Variants in DNAH5 observed in about 807,000 individuals in gnomAD.
DNAH5 encodes axonemal beta dynein heavy chain 5.
In DNAH5, 372 loss-of-function variants were observed where a neutral mutation model predicts 518.2. The observed-to-expected ratio is 0.72, with a 90% CI of 0.66 to 0.78. DNAH5 has a LOEUF of 0.78. Ranked by LOEUF, DNAH5 falls within the 30% of genes least tolerant of loss-of-function variation. The pLI, the probability that DNAH5 is intolerant of heterozygous loss-of-function variation, is 0.00. For synonymous variants in DNAH5, 2,039 were observed against 2,025.9 expected (o/e 1.01, Z -0.17); for missense variants, 5,523 against 5,687.0 (o/e 0.97, Z 0.93).
intron 42 of DNAH5, 27 bp from the exon 43 acceptor site, chr5:13,814,873 A>C: frequency 6.2e-7 from 1 of 1,611,134 alleles, no homozygotes; most frequent in Non-Finnish European, 8.5e-7. Context: ...AAGGGAAAAA[A>C]AAAATACATA....
rs746308685 is a variant in DNAH5, at chr5:13,864,584, T to C, written c.4409A>G (p.Lys1470Arg). Residue 1470 changes from lysine to arginine, a missense_variant, in exon 28 of 79, where the codon AAG becomes AGG. Transcript: ENST00000265104. ...CTCGCTGAAATCATCAATGATCTTC[T>C]TCAGGTCCAAAAAAGCCTGCCAGTC... ...LKDWQAFLDL[K>R]KIIDDFSECC... The C allele has an allele frequency of 6.2e-7, 1 of 1,614,146 alleles. No homozygotes were observed. The highest frequency in any genetic ancestry group is 1.1e-5 in the South Asian group (1 of 91,080).
At chr5:14,007,863 AG>A (rs1364078023) in intron 1 of DNAH5, among the ~76,000 whole-genome samples, 7 of 152,236 alleles carry the variant, frequency 4.6e-5, no homozygotes, top group African/African-American at 1.4e-4. Context: ...TTTGAAAAAA[AG>A]GTCTGTCAGA....
chr5:13,778,788 T>C (rs965643593), intron 53 of DNAH5, among the ~76,000 whole-genome samples: 1 of 152,190 alleles, frequency 6.6e-6, no homozygotes, highest in Admixed American at 6.5e-5. Context: ...CTTAGCCACA[T>C]GGCTATACAA....
In DNAH5 at chr5:13,871,009, A is replaced by G; in HGVS notation, c.3599-7T>C. On this transcript the variant is annotated splice_polypyrimidine_tract_variant and splice_region_variant and intron_variant, in intron 23 of 78. Transcript: ENST00000265104. ...AGGGCGAACTTCAAGTCAGCTGTAA[A>G]AACCCAAATGTCTACAGTTCAGTTT... The G allele has an allele frequency of 1.2e-6, 2 of 1,609,420 alleles. No individual in the cohort carries two copies. The highest frequency in any genetic ancestry group is 3.3e-5 in the Admixed American group (2 of 59,764).
At chr5:14,006,335 C>T (rs1307254481) in intron 1 of DNAH5, among the ~76,000 whole-genome samples, 2 of 152,198 alleles carry the variant, frequency 1.3e-5, no homozygotes, top group African/African-American at 4.8e-5. Flanking sequence ...CATAGCATGG[C>T]AGTCAGCTCA....
At chr5:13,760,212 C>T (rs566884201) in intron 60 of DNAH5, among the ~76,000 whole-genome samples, 4 of 152,240 alleles carry the variant, frequency 2.6e-5, no homozygotes, top group Non-Finnish European at 5.9e-5. Flanking sequence ...ACTTTACTCA[C>T]CAATAAATAA....
At chr5:13,943,023 G>A (rs1779606042) in intron 1 of DNAH5, among the ~76,000 whole-genome samples, 1 of 152,088 alleles carries the variant, frequency 6.6e-6, no homozygotes, top group South Asian at 2.1e-4. Flanking sequence ...CTTCAGTGGA[G>A]TGAACCAAAC....
intron 72 of DNAH5, among the ~76,000 whole-genome samples, chr5:13,718,171 T>TATA (rs1415661638): frequency 3.9e-5 from 6 of 152,350 alleles, no homozygotes; most frequent in Middle Eastern, 3.4e-3. Context: ...ATATTTATTA[T>TATA]GGTTATCAAA....
upstream of DNAH5, among the ~76,000 whole-genome samples, chr5:13,945,944 A>G (rs911369428): frequency 6.6e-6 from 1 of 152,080 alleles, no homozygotes; most frequent in Non-Finnish European, 1.5e-5. Context: ...GTTGTTGGTA[A>G]GCGGCTGTTG....
chr5:13,788,803 C>G lies in DNAH5; in HGVS notation c.8560G>C (p.Glu2854Gln). 6.2e-7 allele frequency: 1 copy of G among 1,614,126 alleles called. No homozygotes were observed. Among genetic ancestry groups the G allele is most frequent in the Non-Finnish European group, 8.5e-7 (1 of 1,179,996 alleles). ...DKALVSLVEE[E>Q]FGEEKKLLVD... is the part of the protein sequence containing the mutation. Reference sequence around the variant, plus strand: ...AAGAGTTTTTTCTCTTCACCAAACTCCTCCTCTACCAAACTTACTAAAGCC... The same window carrying G: ...AAGAGTTTTTTCTCTTCACCAAACTGCTCCTCTACCAAACTTACTAAAGCC... The change falls in exon 51 of 79, where the codon GAG (glutamate) becomes CAG (glutamine). Residue 2854 changes from glutamate to glutamine, a missense_variant. Transcript: ENST00000265104.
chr5:13,787,548 T>C (rs1580242180), intron 51 of DNAH5, among the ~76,000 whole-genome samples: 1 of 152,140 alleles, frequency 6.6e-6, no homozygotes, highest in Admixed American at 6.5e-5. Flanking sequence ...CTTTGAGAAA[T>C]AGTGTTTCAA....
intron 2 of DNAH5, among the ~76,000 whole-genome samples, chr5:13,929,519 T>A (rs917408934): frequency 2.6e-5 from 4 of 152,236 alleles, no homozygotes; most frequent in African/African-American, 9.6e-5. Context: ...AATAATGTTT[T>A]TAAAGGATAA....
intron 1 of DNAH5, among the ~76,000 whole-genome samples, chr5:14,009,460 C>G (rs182956663): frequency 6.6e-6 from 1 of 152,338 alleles, no homozygotes; most frequent in East Asian, 1.9e-4. Flanking sequence ...GCAACAATTT[C>G]TACACCTTCT....
intron 61 of DNAH5, 93 bp downstream of exon 61, chr5:13,758,753 A>G: frequency 1.3e-6 from 2 of 1,573,908 alleles, no homozygotes; most frequent in Non-Finnish European, 1.7e-6. Flanking sequence ...TGTATTATGT[A>G]TAAATTCAGT....
Position 13,792,192 on chromosome 5 carries a change from A to C in DNAH5, c.8250T>G (p.Cys2750Trp). 4 of 1,614,040 alleles carry C rather than the reference A, an allele frequency of 2.5e-6. No homozygotes were observed. The highest frequency in any genetic ancestry group is 3.4e-6 in the Non-Finnish European group (4 of 1,179,934). ...IFGVIGVGHY[C>W]TQRGFSEEVR... ...CTTCTTCTGAGAAACCCCTCTGAGT[A>C]CAGTAGTGGCCTACCCCAATCACAC... Residue 2750 changes from cysteine to tryptophan, a missense_variant, in exon 50 of 79, where the codon TGT becomes TGG. By Grantham distance (215) the Cys-to-Trp change is radical. Around this residue, in one of 3 missense-constraint regions of DNAH5, gnomAD observed 5,121 missense variants for 5,223.3 expected, o/e 0.98. Coordinates refer to ENST00000265104, the MANE Select transcript of DNAH5 (RefSeq NM_001369.3).
At chr5:13,798,225 A>T (rs985501681) in intron 47 of DNAH5, among the ~76,000 whole-genome samples, 2 of 152,092 alleles carry the variant, frequency 1.3e-5, no homozygotes, top group African/African-American at 4.8e-5. Flanking sequence ...TAAATAAATA[A>T]CTGAAAGAAG....
At chr5:13,692,486 C>T (rs971961789) in intron 78 of DNAH5, among the ~76,000 whole-genome samples, 7 of 152,312 alleles carry the variant, frequency 4.6e-5, no homozygotes, top group Admixed American at 1.3e-4. Context: ...AAACCTTGAG[C>T]ACACACACAT....
chr5:13,894,057 A>T (rs1773608596), intron 16 of DNAH5, among the ~76,000 whole-genome samples: 1 of 111,516 alleles, frequency 9.0e-6, no homozygotes. Context: ...CCACTTTTGG[A>T]GACCTACTGG....
rs187792255 is a variant in DNAH5, at chr5:13,871,124, A to G, written c.3599-122T>C. Reference sequence around the variant, plus strand: ...CTTATTGCCCTCTAACCCACAAAAAATTGAACTGGAAAAAATCATAATTTT... The same window carrying G: ...CTTATTGCCCTCTAACCCACAAAAAGTTGAACTGGAAAAAATCATAATTTT... On this transcript the variant is annotated intron_variant, in intron 23 of 78. Transcript: ENST00000265104. The G allele has an allele frequency of 7.7e-4, 534 of 697,636 alleles. 3 individuals are homozygous for G. The African/African-American group carries it at 7.9e-3, about 10-fold the overall frequency. The allele number at this position is 697,636 out of a possible 1,614,324, so 43.2% of individuals were successfully genotyped here.
Sources: gnomAD v4.1 joint callset for allele counts (sites outside exome capture counted in the v4.1 genomes callset) on GRCh38, gnomAD v4.1.1 for gene constraint, gnomAD v4.1.1 regional missense constraint, MANE v1.5 for transcripts, NCBI Gene and HGNC (gene_info 2026-07-23, HGNC 2026-07-21) for gene names.